SPTBN1: variants seen among roughly 807,000 people sequenced by gnomAD.
The protein encoded by SPTBN1 is spectrin beta, non-erythrocytic 1.
Under a neutral mutation model 266.4 loss-of-function variants are expected in SPTBN1, and 32 were observed. That is an observed-to-expected ratio of 0.12 (90% confidence interval 0.09 to 0.16). SPTBN1 has a LOEUF of 0.16. Ranked by LOEUF, SPTBN1 falls within the 10% of genes least tolerant of loss-of-function variation. The probability of loss-of-function intolerance (pLI) is 1.00; values close to 1 mark genes in which losing one functional copy is unlikely to be tolerated. For synonymous variants in SPTBN1, 1,336 were observed against 1,162.2 expected (o/e 1.15, Z -3.04); for missense variants, 2,296 against 3,067.1 (o/e 0.75, Z 5.94).
Position 54,589,150 on chromosome 2 carries a change from C to T in SPTBN1, c.149-9942C>T, listed in dbSNP as rs763087056. The stretch of plus-strand genomic sequence containing the variant: ...TTGATTAATTCACACTGGTTCCCAC[C>T]TTAGCTCTCATCTTAGAAGAGGTAG... On this transcript the variant is annotated intron_variant, in intron 2 of 35. Transcript: ENST00000356805. Among the ~76,000 whole-genome samples, 36 of 152,192 alleles carry T rather than the reference C, an allele frequency of 2.4e-4. 1 individual carries two copies. The highest frequency in any genetic ancestry group is 7.5e-4 in the African/African-American group (31 of 41,446).
At chr2:54,506,588 T>G (rs1669569125) in intron 1 of SPTBN1, among the ~76,000 whole-genome samples, 1 of 150,938 alleles carries the variant, frequency 6.6e-6, no homozygotes, top group African/African-American at 2.4e-5. Context: ...CTGAGAAAAT[T>G]TTAAGTATAA....
At chr2:54,511,669 G>A (rs998700252) in intron 1 of SPTBN1, among the ~76,000 whole-genome samples, 4 of 152,022 alleles carry the variant, frequency 2.6e-5, no homozygotes, top group African/African-American at 9.7e-5. Flanking sequence ...TTCGAGACCA[G>A]CCTGACCAAC....
At chr2:54,497,049 A>G (rs1268632187) in intron 1 of SPTBN1, among the ~76,000 whole-genome samples, 1 of 152,210 alleles carries the variant, frequency 6.6e-6, no homozygotes, top group Non-Finnish European at 1.5e-5. Context: ...AGGAAATTGT[A>G]AATGGAGATA....
At chr2:54,601,765 TAA>T (rs1676515208) in intron 3 of SPTBN1, among the ~76,000 whole-genome samples, 2 of 152,236 alleles carry the variant, frequency 1.3e-5, no homozygotes, top group Non-Finnish European at 2.9e-5. Flanking sequence ...TTTACTTAAT[TAA>T]TAGATTCTTA....
At chr2:54,601,714 A>C (rs1472107067) in intron 3 of SPTBN1, among the ~76,000 whole-genome samples, 2 of 152,208 alleles carry the variant, frequency 1.3e-5, no homozygotes, top group African/African-American at 2.4e-5. Flanking sequence ...CCAGCTTGGC[A>C]ATAGCTAGCA....
At chr2:54,619,227 A>G (rs1677835077) in intron 7 of SPTBN1, among the ~76,000 whole-genome samples, 1 of 152,230 alleles carries the variant, frequency 6.6e-6, no homozygotes, top group Non-Finnish European at 1.5e-5. Context: ...CATCAGATTC[A>G]CTGATATGTT....
Position 54,558,292 on chromosome 2 carries a change from T to G in SPTBN1, c.148+31726T>G. 1 of 985,752 alleles carries G rather than the reference T, an allele frequency of 1.0e-6. No individual in the cohort carries two copies. The highest frequency in any genetic ancestry group is 1.2e-6 in the Non-Finnish European group (1 of 830,250). The allele number at this position is 985,752 out of a possible 1,614,324, so 61.1% of individuals were successfully genotyped here. A position where few individuals can be genotyped will look rare whatever the true frequency, so the allele number is the denominator to read the frequency against. On this transcript the variant is annotated intron_variant, in intron 2 of 35. Transcript: ENST00000356805. This position sits in a 1 kb window ranked among gnomAD's most constrained non-coding sequence, Gnocchi z 4.6. ...CTCGTGGTATAGCCTGCATTTCTAA[T>G]ACAATGCTGTTATGCTAATCAGGTG...
At chr2:54,622,228 G>C (rs1161753946) in intron 8 of SPTBN1, 72 bp from the exon 9 acceptor site, 1 of 1,516,358 alleles carries the variant, frequency 6.6e-7, no homozygotes, top group Non-Finnish European at 9.0e-7. Context: ...GCATGCACTC[G>C]TATAGGGTTA....
chr2:54,492,436 G>C (rs886773975), intron 1 of SPTBN1, among the ~76,000 whole-genome samples: 1 of 144,770 alleles, frequency 6.9e-6, no homozygotes, highest in African/African-American at 2.6e-5. Flanking sequence ...TTTTCCCCTA[G>C]ATCCCTGAAA....
chr2:54,637,817 T>C lies in SPTBN1; in HGVS notation c.3858+14T>C. The stretch of plus-strand genomic sequence containing the variant: ...GATTGTCAAGAGGTATGTTACTCTT[T>C]AATCCCTCTATTCCTGTGTTCCAGT... On this transcript the variant is annotated intron_variant, in intron 18 of 35. Coordinates refer to ENST00000356805, the MANE Select transcript of SPTBN1 (RefSeq NM_003128.3). 1.2e-6 allele frequency: 2 copies of C among 1,601,200 alleles called. No homozygotes were observed. The highest frequency in any genetic ancestry group is 1.7e-6 in the Non-Finnish European group (2 of 1,168,714).
At chr2:54,456,930 G>GAGCGGGCAGCGGAC (rs1558740433) in intron 1 of SPTBN1, among the ~76,000 whole-genome samples, 1 of 150,390 alleles carries the variant, frequency 6.6e-6, no homozygotes. Context: ...GGTGGGTGCG[G>GAGCGGGCAGCGGAC]AGCGGACAGC....
chr2:54,462,840 T>C (rs1412781820), intron 1 of SPTBN1, among the ~76,000 whole-genome samples: 1 of 152,242 alleles, frequency 6.6e-6, no homozygotes, highest in Non-Finnish European at 1.5e-5. Flanking sequence ...TCGCTTCTGT[T>C]CCTGGCAGAC....
At chr2:54,579,475 T>C (rs965948944) in intron 2 of SPTBN1, among the ~76,000 whole-genome samples, 1 of 152,236 alleles carries the variant, frequency 6.6e-6, no homozygotes, top group East Asian at 1.9e-4. Context: ...TGGCCCCCAA[T>C]GAGGGGTAGT....
At chr2:54,577,096 A>T (rs1299082567) in intron 2 of SPTBN1, among the ~76,000 whole-genome samples, 1 of 152,002 alleles carries the variant, frequency 6.6e-6, no homozygotes. Context: ...GCTTATTATT[A>T]GTTGGGGGTT....
At chr2:54,587,209 A>C (rs1396886261) in intron 2 of SPTBN1, among the ~76,000 whole-genome samples, 1 of 152,222 alleles carries the variant, frequency 6.6e-6, no homozygotes, top group Non-Finnish European at 1.5e-5. Flanking sequence ...TTAGCCCTTG[A>C]AAATGAAGTA....
At chr2:54,478,763 C>T (rs1418527637) in intron 1 of SPTBN1, among the ~76,000 whole-genome samples, 1 of 152,180 alleles carries the variant, frequency 6.6e-6, no homozygotes, top group Non-Finnish European at 1.5e-5. Flanking sequence ...CAAGTTTATG[C>T]TCATGTTTAC....
intron 2 of SPTBN1, among the ~76,000 whole-genome samples, chr2:54,547,944 C>T (rs1472459890): frequency 1.3e-5 from 2 of 151,922 alleles, no homozygotes; most frequent in Non-Finnish European, 2.9e-5. Context: ...GAGATCGAGA[C>T]CATCCTGGCT....
intron 34 of SPTBN1, 93 bp from the exon 35 acceptor site, chr2:54,667,511 G>T: frequency 8.2e-7 from 1 of 1,225,106 alleles, no homozygotes; most frequent in South Asian, 1.3e-5. Context: ...TGACTCCTGT[G>T]GTCTACTTCT....
At chr2:54,466,193 G>A (rs1197371103) in intron 1 of SPTBN1, among the ~76,000 whole-genome samples, 1 of 152,050 alleles carries the variant, frequency 6.6e-6, no homozygotes, top group Non-Finnish European at 1.5e-5. Flanking sequence ...CAAATTTGAA[G>A]CCACTAGTTA....
Sources: allele counts gnomAD v4.1 joint callset (sites outside exome capture counted in the v4.1 genomes callset), GRCh38; gene constraint gnomAD v4.1.1; non-coding constraint Gnocchi (gnomAD v3.1); transcripts MANE v1.5; gene names NCBI Gene and HGNC (gene_info 2026-07-23, HGNC 2026-07-21).